The following BBS2 variants were observed in gnomAD, a reference collection of about 807,000 sequenced individuals.
BBS2 encodes the protein Bardet-Biedl syndrome 2.
Under a neutral mutation model 83.0 loss-of-function variants are expected in BBS2, and 62 were observed. The ratio of observed to expected loss-of-function variants is 0.75; its 90% CI spans 0.61 to 0.92. BBS2 has a LOEUF of 0.92. BBS2 is among the 40% of genes least tolerant of loss of function. The pLI is 0.00. For missense variants in BBS2, 784 were observed against 901.0 expected, an observed-to-expected ratio of 0.87 and a Z score of 1.66; for synonymous variants, 303 against 326.1, an observed-to-expected ratio of 0.93 and a Z score of 0.76.
At chr16:56,513,031 A>G (rs2144188230) in intron 2 of BBS2, among the ~76,000 whole-genome samples, 1 of 152,302 alleles carries the variant, frequency 6.6e-6, no homozygotes, top group East Asian at 1.9e-4. Flanking sequence ...ACACACCTGT[A>G]GTCCCAGCTA....
chr16:56,489,830 A>G (rs1963887485), intron 15 of BBS2, among the ~76,000 whole-genome samples: 1 of 151,552 alleles, frequency 6.6e-6, no homozygotes, highest in African/African-American at 2.4e-5. Flanking sequence ...TAGTATTAAA[A>G]TAATGCAATG....
intron 15 of BBS2, among the ~76,000 whole-genome samples, chr16:56,495,339 A>G (rs1231452901): frequency 7.2e-5 from 11 of 152,220 alleles, no homozygotes; most frequent in African/African-American, 2.2e-4. Flanking sequence ...CAAAAATTGC[A>G]TGCTTCCTCA....
intron 15 of BBS2, among the ~76,000 whole-genome samples, chr16:56,489,732 A>G (rs1963882822): frequency 6.6e-6 from 1 of 152,060 alleles, no homozygotes; most frequent in Middle Eastern, 3.2e-3. Flanking sequence ...CCAGGAAGGC[A>G]GAGGTTGCAG....
intron 2 of BBS2, among the ~76,000 whole-genome samples, chr16:56,511,720 T>C (rs1327419942): frequency 6.6e-6 from 1 of 152,200 alleles, no homozygotes; most frequent in Admixed American, 6.5e-5. Context: ...ACATGTCCTA[T>C]TGGTTCTGTT....
At chr16:56,491,698 T>C (rs1380561644) in intron 15 of BBS2, among the ~76,000 whole-genome samples, 1 of 65,654 alleles carries the variant, frequency 1.5e-5, no homozygotes, top group African/African-American at 6.2e-5. Flanking sequence ...ATACTGAACA[T>C]AATAAATGGC....
intron 17 of BBS2, among the ~76,000 whole-genome samples, chr16:56,472,604 AT>A (rs1289310772): frequency 6.6e-6 from 1 of 152,246 alleles, no homozygotes; most frequent in African/African-American, 2.4e-5. Flanking sequence ...ATTTTAAAAA[AT>A]AAAAATACGT....
intron 1 of BBS2, among the ~76,000 whole-genome samples, chr16:56,515,615 T>C (rs545093861): frequency 3.9e-4 from 59 of 152,276 alleles, no homozygotes; most frequent in Middle Eastern, 3.4e-3. Flanking sequence ...TTTACATGAG[T>C]ATTTCATCTC....
chr16:56,491,411 A>G (rs914095889), intron 15 of BBS2, among the ~76,000 whole-genome samples: 2 of 152,118 alleles, frequency 1.3e-5, no homozygotes, highest in Non-Finnish European at 2.9e-5. Flanking sequence ...CTCTTCACAC[A>G]TGTCCCCTTC....
At chr16:56,475,320 T>A (rs1202074308) in intron 17 of BBS2, among the ~76,000 whole-genome samples, 1 of 152,182 alleles carries the variant, frequency 6.6e-6, no homozygotes, top group Non-Finnish European at 1.5e-5. Flanking sequence ...CTCAGGAAAT[T>A]AGGCATTTAG....
chr16:56,501,351 A>G lies in BBS2; in HGVS notation c.1225+2T>C, dbSNP rs1279981768. On this transcript the variant is annotated splice_donor_variant, in intron 10 of 16. Coordinates refer to ENST00000245157, the MANE Select transcript of BBS2 (RefSeq NM_031885.5). LOFTEE classifies it high-confidence loss of function. Reference sequence around the variant, plus strand: ...AAATACCAGCTGTGAGTACTGTCTTACCATTAGAAGTGGAAATGCGTAATT... The same window carrying G: ...AAATACCAGCTGTGAGTACTGTCTTGCCATTAGAAGTGGAAATGCGTAATT... The G allele has an allele frequency of 6.2e-7, 1 of 1,613,650 alleles. No individual in the cohort carries two copies. Among genetic ancestry groups the G allele is most frequent in the East Asian group, 2.2e-5 (1 of 44,872 alleles).
At chr16:56,497,281 C>T in intron 14 of BBS2, 3 of 607,966 alleles carry the variant, frequency 4.9e-6, no homozygotes, top group Non-Finnish European at 2.9e-6. Context: ...CACGACACTC[C>T]ATGTGAATCT....
At chr16:56,501,623 C>A in intron 9 of BBS2, 126 bp from the exon 10 acceptor site, 1 of 1,290,008 alleles carries the variant, frequency 7.8e-7, no homozygotes, top group Non-Finnish European at 1.1e-6. Flanking sequence ...TTATAGTAAT[C>A]TGATTCTTTA....
Position 56,505,925 on chromosome 16 carries a change from C to A in BBS2, c.804+25G>T, listed in dbSNP as rs745559952. ...TGGACAATTACTACTCTGAATTATA[C>A]CTGAACTTTGCTATTCAAACTTACC... On this transcript the variant is annotated intron_variant, in intron 7 of 16. Coordinates refer to ENST00000245157, the MANE Select transcript of BBS2 (RefSeq NM_031885.5). The A allele has an allele frequency of 1.3e-5, 20 of 1,568,758 alleles. No individual in the cohort carries two copies. The South Asian group carries it at 2.2e-4, about 17-fold the overall frequency.
chr16:56,506,667 A>G (rs1042106419), intron 5 of BBS2, among the ~76,000 whole-genome samples: 1 of 152,234 alleles, frequency 6.6e-6, no homozygotes, highest in Non-Finnish European at 1.5e-5. Flanking sequence ...ACACAATTGA[A>G]TATCTTACTT....
chr16:56,510,972 C>A (rs1468007750), intron 3 of BBS2, 51 bp from the exon 4 acceptor site: 1 of 1,598,430 alleles, frequency 6.3e-7, no homozygotes, highest in Non-Finnish European at 8.6e-7. Flanking sequence ...TCCATTTACT[C>A]CAAATATATT....
intron 13 of BBS2, among the ~76,000 whole-genome samples, chr16:56,498,188 G>A (rs943703812): frequency 2.0e-5 from 3 of 152,048 alleles, no homozygotes; most frequent in African/African-American, 7.3e-5. Context: ...AAGGGAAGGA[G>A]GCAGAAAACA....
At chr16:56,478,873 C>T (rs532438405) in intron 17 of BBS2, 1 of 152,296 alleles carries the variant, frequency 6.6e-6, no homozygotes, top group Non-Finnish European at 1.5e-5. Flanking sequence ...TACAGCAGCA[C>T]CTCTTAGATT....
chr16:56,475,012 G>T, intron 17 of BBS2: 6 of 1,564,632 alleles, frequency 3.8e-6, no homozygotes, highest in Non-Finnish European at 5.3e-6. Flanking sequence ...TCTTCTGAGG[G>T]ACCCTTTCCA....
chr16:56,519,430 T>G, intron 1 of BBS2: 2 of 266,118 alleles, frequency 7.5e-6, no homozygotes, highest in Non-Finnish European at 1.4e-5. Context: ...GAATCTGGGG[T>G]CGGTTATTAC....
Sources: gnomAD v4.1 joint callset for allele counts (sites outside exome capture counted in the v4.1 genomes callset) on GRCh38, gnomAD v4.1.1 for gene constraint, MANE v1.5 for transcripts, NCBI Gene and HGNC (gene_info 2026-07-23, HGNC 2026-07-21) for gene names.